Variants in B3GALT5 observed in about 807,000 individuals in gnomAD.
The protein encoded by B3GALT5 is beta-1,3-galactosyltransferase 5, also known as UDP-Gal:betaGlcNAc beta 1,3-galactosyltransferase, polypeptide 5.
For synonymous variants in B3GALT5, 156 were observed against 158.6 expected (o/e 0.98, Z 0.12); for missense variants, 328 against 396.6 (o/e 0.83, Z 1.47).
chr21:39,634,433 G>A (rs940285321), intron 1 of B3GALT5, among the ~76,000 whole-genome samples: 5 of 152,262 alleles, frequency 3.3e-5, no homozygotes, highest in Admixed American at 1.3e-4. Flanking sequence ...CACACCTCTC[G>A]TTTCTGGCAT....
Position 39,669,175 on chromosome 21 carries a change from C to T in B3GALT5, c.*7683C>T, listed in dbSNP as rs1219174930. On this transcript the variant is annotated 3_prime_UTR_variant, in exon 4 of 4. Coordinates refer to ENST00000684187, the MANE Select transcript of B3GALT5 (RefSeq NM_001356336.2). ...CGTGACATTCTTCACAATCAGAGCA[C>T]TGTGTTCTTGACCCTCTTAATTCAG... 4 of 152,160 alleles carry T rather than the reference C, an allele frequency of 2.6e-5. No individual in the cohort carries two copies. The highest frequency in any genetic ancestry group is 5.9e-5 in the Non-Finnish European group (4 of 68,034). 9.4% of individuals were successfully genotyped at this position (152,160 alleles called of 1,614,324 possible).
intron 1 of B3GALT5, among the ~76,000 whole-genome samples, chr21:39,639,446 T>C (rs1477188200): frequency 2.4e-5 from 3 of 126,022 alleles, no homozygotes; most frequent in Non-Finnish European, 5.3e-5. Flanking sequence ...CTTTCTTTCT[T>C]TCTTTCTTTT....
chr21:39,652,101 T>G (rs538227259), intron 2 of B3GALT5, among the ~76,000 whole-genome samples: 4 of 152,144 alleles, frequency 2.6e-5, no homozygotes, highest in Non-Finnish European at 5.9e-5. Flanking sequence ...CCCCTGGAGC[T>G]CCAAGAGAAG....
intron 1 of B3GALT5, among the ~76,000 whole-genome samples, chr21:39,618,886 A>G (rs746830238): frequency 6.6e-6 from 1 of 152,154 alleles, no homozygotes; most frequent in Non-Finnish European, 1.5e-5. Context: ...ATTGTCTCAT[A>G]TACTGTATTT....
intron 1 of B3GALT5, among the ~76,000 whole-genome samples, chr21:39,628,469 A>G (rs569136789): frequency 6.6e-6 from 1 of 152,164 alleles, no homozygotes; most frequent in African/African-American, 2.4e-5. Context: ...ACGTTTTAGC[A>G]CCCACTTAGG....
intron 1 of B3GALT5, among the ~76,000 whole-genome samples, chr21:39,626,398 A>C (rs2079164093): frequency 6.6e-6 from 1 of 152,136 alleles, no homozygotes; most frequent in African/African-American, 2.4e-5. Context: ...ATGGTTGTAC[A>C]AATATTTGTT....
At chr21:39,647,824 A>T (rs2079355944) in intron 2 of B3GALT5, among the ~76,000 whole-genome samples, 1 of 152,190 alleles carries the variant, frequency 6.6e-6, no homozygotes, top group Admixed American at 6.5e-5. Context: ...CTTTGGGAGA[A>T]AGCACTTGTC....
At position 39,616,995 on chromosome 21, in the gene B3GALT5, C is replaced by A. The variant is rs146077623; in HGVS notation, c.-392+3928C>A. Among the ~76,000 whole-genome samples the A allele has an allele frequency of 6.8e-4, 103 of 152,254 alleles. 1 individual carries two copies. Among genetic ancestry groups the A allele is most frequent in the African/African-American group, 2.4e-3 (99 of 41,558 alleles). ...AGAAAAAGCATGTGTGAGTCCACAT[C>A]CCAGCTCTATTGTGTCCTAACACTT... is the stretch of plus-strand genomic sequence containing the variant. On this transcript the variant is annotated intron_variant, in intron 1 of 3. Coordinates refer to ENST00000684187, the MANE Select transcript of B3GALT5 (RefSeq NM_001356336.2).
At position 39,639,412 on chromosome 21, in the gene B3GALT5, CTTTCTTTCTTTCTT is replaced by C. The variant is rs1569212449; in HGVS notation, c.-391-6978_-391-6965del. On this transcript the variant is annotated intron_variant, in intron 1 of 3. Coordinates refer to ENST00000684187, the MANE Select transcript of B3GALT5 (RefSeq NM_001356336.2). ...CTTCCTTCTTTCTTTTTCTTTCTTT[CTTTCTTTCTTTCTT>C]TCTTTCTTTCTTTCTTTCTTTCTTT... Among the ~76,000 whole-genome samples, 64 of 99,118 alleles carry C rather than the reference CTTTCTTTCTTTCTT, an allele frequency of 6.5e-4. 2 individuals are homozygous for C. Among genetic ancestry groups the C allele is most frequent in the Non-Finnish European group, 6.1e-4 (29 of 47,830 alleles). The allele number at this position is 99,118 out of a possible 152,430, so 65.0% of individuals were successfully genotyped here.
chr21:39,657,647 T>G lies in B3GALT5; in HGVS notation c.-160-2106T>G, dbSNP rs1178636750. The G allele has an allele frequency of 2.0e-5, 7 of 349,662 alleles. 1 individual carries two copies. The Admixed American group carries it at 3.7e-4, about 18-fold the overall frequency. 21.7% of individuals were successfully genotyped at this position (349,662 alleles called of 1,614,324 possible). ...ACGCTAGCCAATTCTTCTAAGAAAT[T>G]TCTTCTCATCTATCTGTCTGTCTAT... On this transcript the variant is annotated intron_variant, in intron 2 of 3. Coordinates refer to ENST00000684187, the MANE Select transcript of B3GALT5 (RefSeq NM_001356336.2).
rs1329285445 is a variant in B3GALT5, at chr21:39,670,835, C to T, written c.*9343C>T. On this transcript the variant is annotated 3_prime_UTR_variant, in exon 4 of 4. Coordinates refer to ENST00000684187, the MANE Select transcript of B3GALT5 (RefSeq NM_001356336.2). ...GCTTGTTAATTATTTAATCTAACAG[C>T]TGCCATGCACCCTCATTTTAAAAAC... is the stretch of plus-strand genomic sequence containing the variant. 1.3e-5 allele frequency: 2 copies of T among 152,148 alleles called. No homozygotes were observed. The highest frequency in any genetic ancestry group is 4.8e-5 in the African/African-American group (2 of 41,430). 9.4% of individuals were successfully genotyped at this position (152,148 alleles called of 1,614,324 possible).
At chr21:39,658,002 G>T (rs2146215191) in intron 2 of B3GALT5, 2 of 1,019,012 alleles carry the variant, frequency 2.0e-6, no homozygotes, top group South Asian at 1.0e-4. Flanking sequence ...GGGTGGCTAG[G>T]ATCTGGGGAC....
At chr21:39,636,657 G>C (rs894849642) in intron 1 of B3GALT5, among the ~76,000 whole-genome samples, 4 of 152,022 alleles carry the variant, frequency 2.6e-5, no homozygotes, top group African/African-American at 4.8e-5. Flanking sequence ...TGTTTTCCAC[G>C]AGTCCTTGGC....
intron 1 of B3GALT5, among the ~76,000 whole-genome samples, chr21:39,628,468 C>T (rs932797553): frequency 2.0e-5 from 3 of 152,214 alleles, no homozygotes; most frequent in African/African-American, 7.2e-5. Flanking sequence ...CACGTTTTAG[C>T]ACCCACTTAG....
chr21:39,619,116 A>G (rs1032154015), intron 1 of B3GALT5, among the ~76,000 whole-genome samples: 1 of 151,552 alleles, frequency 6.6e-6, no homozygotes, highest in African/African-American at 2.4e-5. Context: ...ATTCTATTTT[A>G]TGGTCTGCTT....
At chr21:39,640,675 A>T (rs1168593302) in intron 1 of B3GALT5, among the ~76,000 whole-genome samples, 1 of 151,800 alleles carries the variant, frequency 6.6e-6, no homozygotes, top group African/African-American at 2.4e-5. Context: ...CCATCAAGAA[A>T]GATGAAATCC....
At chr21:39,636,358 G>A (rs774410373) in intron 1 of B3GALT5, among the ~76,000 whole-genome samples, 1 of 152,196 alleles carries the variant, frequency 6.6e-6, no homozygotes, top group Non-Finnish European at 1.5e-5. Context: ...GCTGTGCTGG[G>A]AGGGGCTGTG....
At chr21:39,639,408 CTTTCTTTCTT>C (rs2079266714) in intron 1 of B3GALT5, among the ~76,000 whole-genome samples, 20 of 82,210 alleles carry the variant, frequency 2.4e-4, no homozygotes, top group East Asian at 1.9e-3. Flanking sequence ...CTTTTTCTTT[CTTTCTTTCTT>C]TCTTTCTTTC....
At chr21:39,626,389 T>C (rs145804621) in intron 1 of B3GALT5, among the ~76,000 whole-genome samples, 34 of 152,322 alleles carry the variant, frequency 2.2e-4, no homozygotes, top group African/African-American at 6.5e-4. Flanking sequence ...ACTATGAATA[T>C]GGTTGTACAA....
Sources: gnomAD v4.1 joint callset for allele counts (sites outside exome capture counted in the v4.1 genomes callset) on GRCh38, gnomAD v4.1.1 for gene constraint, MANE v1.5 for transcripts, NCBI Gene and HGNC (gene_info 2026-07-23, HGNC 2026-07-21) for gene names.